The following ZFAT variants were observed in gnomAD, a reference collection of about 807,000 sequenced individuals.
The protein encoded by ZFAT is zinc finger protein ZFAT.
Under a neutral mutation model 117.7 loss-of-function variants are expected in ZFAT, and 64 were observed. The observed-to-expected ratio is 0.54, with a 90% confidence interval of 0.44 to 0.67. The LOEUF (loss-of-function observed/expected upper bound fraction) is 0.67, where lower values mean the gene tolerates loss of function less well. ZFAT is among the 30% of genes least tolerant of loss of function. ZFAT has a pLI of 0.00. For missense variants in ZFAT, 1,433 were observed against 1,584.5 expected (o/e 0.90, Z 1.62); for synonymous variants, 679 against 615.0 (o/e 1.10, Z -1.54).
intron 15 of ZFAT, among the ~76,000 whole-genome samples, chr8:134,496,978 C>T (rs1452722303): frequency 6.6e-6 from 1 of 152,248 alleles, no homozygotes; most frequent in Non-Finnish European, 1.5e-5. Context: ...TCCTGACATG[C>T]AGGGACCCCC....
Position 134,657,708 on chromosome 8 carries a change from A to C in ZFAT, c.49T>G (p.Cys17Gly). The change falls in exon 2 of 16, where the codon TGT (cysteine) becomes GGT (glycine). Residue 17 changes from cysteine to glycine, a missense_variant. Around this residue, in one of 5 missense-constraint regions of ZFAT, gnomAD observed 436 missense variants for 482.0 expected, o/e 0.90. Coordinates refer to ENST00000377838, the MANE Select transcript of ZFAT (RefSeq NM_020863.4). ...ENTAIFMCKCCNLFSPNQSEL... is the reference protein window; with the variant it reads ...ENTAIFMCKCGNLFSPNQSEL... ...GACTGATTTGGTGAGAAGAGGTTACAACATTTACACATAAAGATGGCCGTG... is the reference window on the plus strand; with the variant it reads ...GACTGATTTGGTGAGAAGAGGTTACCACATTTACACATAAAGATGGCCGTG... 6.2e-7 allele frequency: 1 copy of C among 1,613,340 alleles called. No individual in the cohort carries two copies. The highest frequency in any genetic ancestry group is 8.5e-7 in the Non-Finnish European group (1 of 1,179,840).
chr8:134,639,697 C>T (rs1830474271), intron 2 of ZFAT: 7 of 453,814 alleles, frequency 1.5e-5, no homozygotes, highest in South Asian at 6.2e-5. Flanking sequence ...TTCACAACAA[C>T]GTGTACTTGC....
the ZFAT span, among the ~76,000 whole-genome samples, chr8:134,788,104 T>A: frequency 6.6e-6 from 1 of 152,158 alleles, no homozygotes. Context: ...GTTATTATTG[T>A]TTTTAGACTT....
intron 1 of ZFAT, among the ~76,000 whole-genome samples, chr8:134,670,737 A>G (rs7013536): frequency 0.32 from 47,586 of 150,904 alleles, 5,102 homozygotes; most frequent in South Asian, 0.39. Context: ...GCAGAAGGCA[A>G]GAAATAACTA....
chr8:134,819,809 G>GGTTTCAGAA, the ZFAT span, among the ~76,000 whole-genome samples: 3 of 151,848 alleles, frequency 2.0e-5, no homozygotes, highest in African/African-American at 7.3e-5. Context: ...TTATTTCAAA[G>GGTTTCAGAA]GTTTCAAAAC....
At chr8:134,788,507 G>A in the ZFAT span, among the ~76,000 whole-genome samples, 14 of 152,094 alleles carry the variant, frequency 9.2e-5, no homozygotes, top group African/African-American at 3.4e-4. Context: ...GAGATTATTG[G>A]TTTGCTTTAT....
At chr8:134,614,579 G>A (rs1393270168) in intron 3 of ZFAT, among the ~76,000 whole-genome samples, 1 of 152,174 alleles carries the variant, frequency 6.6e-6, no homozygotes, top group Non-Finnish European at 1.5e-5. Context: ...CCTCTTGGAG[G>A]TTGGGTCCAT....
the ZFAT span, chr8:134,800,536 T>TAAAC: frequency 1.9e-6 from 1 of 513,654 alleles, no homozygotes; most frequent in Non-Finnish European, 4.1e-6. Context: ...TCAGCTGAAG[T>TAAAC]AAACATCCAC....
In ZFAT at chr8:134,650,507, C is replaced by A. The variant is rs555809641; in HGVS notation, c.196+7054G>T. On this transcript the variant is annotated intron_variant, in intron 2 of 15. Coordinates refer to ENST00000377838, the MANE Select transcript of ZFAT (RefSeq NM_020863.4). ...AGAATGGACTAATACAGATCTAATG[C>A]AATCTTTATCAAAAATCCAACTGTC... Among the ~76,000 whole-genome samples, 17 of 152,242 alleles carry A rather than the reference C, an allele frequency of 1.1e-4. 1 individual carries two copies. Among genetic ancestry groups the A allele is most frequent in the African/African-American group, 3.9e-4 (16 of 41,542 alleles).
At chr8:134,586,895 A>G (rs1049465334) in intron 9 of ZFAT, among the ~76,000 whole-genome samples, 1 of 152,118 alleles carries the variant, frequency 6.6e-6, no homozygotes, top group Non-Finnish European at 1.5e-5. Flanking sequence ...TCACCTCTCT[A>G]AGCCTCATTT....
the ZFAT span, among the ~76,000 whole-genome samples, chr8:134,822,695 A>T: frequency 2.0e-5 from 3 of 152,156 alleles, no homozygotes; most frequent in Non-Finnish European, 2.9e-5. Context: ...ACTTTATAAA[A>T]TAACTTGGAA....
intron 15 of ZFAT, among the ~76,000 whole-genome samples, chr8:134,503,014 G>T (rs1264821760): frequency 6.6e-6 from 1 of 152,228 alleles, no homozygotes; most frequent in African/African-American, 2.4e-5. Context: ...AGGCTCATAA[G>T]CCAGGGCAGC....
At chr8:134,534,775 A>AGGGAGAGAGAGAGAG (rs1821706312) in intron 11 of ZFAT, among the ~76,000 whole-genome samples, 3 of 136,344 alleles carry the variant, frequency 2.2e-5, no homozygotes, top group African/African-American at 8.5e-5. Context: ...GAGAGGGAGA[A>AGGGAGAGAGAGAGAG]AGAGAGAGAG....
chr8:134,818,966 G>A, the ZFAT span, among the ~76,000 whole-genome samples: 1 of 152,234 alleles, frequency 6.6e-6, no homozygotes, highest in Non-Finnish European at 1.5e-5. Flanking sequence ...GGGGGTATAT[G>A]TTTAGTGTCT....
intron 15 of ZFAT, among the ~76,000 whole-genome samples, chr8:134,480,772 T>C (rs1342391779): frequency 6.6e-6 from 1 of 152,182 alleles, no homozygotes; most frequent in Non-Finnish European, 1.5e-5. Flanking sequence ...CAAATTGGCA[T>C]TGGGTGGCCT....
chr8:134,585,621 G>A (rs1419421884), intron 9 of ZFAT, among the ~76,000 whole-genome samples: 5 of 152,192 alleles, frequency 3.3e-5, no homozygotes, highest in Admixed American at 1.3e-4. Flanking sequence ...GGCCGGCTGT[G>A]GAACCCTGGG....
chr8:134,781,752 C>G, the ZFAT span, among the ~76,000 whole-genome samples: 10 of 152,122 alleles, frequency 6.6e-5, no homozygotes, highest in Non-Finnish European at 1.0e-4. Flanking sequence ...ATCAACCCCC[C>G]TCTTCCTCCC....
chr8:134,600,047 T>C (rs992216303), intron 7 of ZFAT: 3 of 357,432 alleles, frequency 8.4e-6, no homozygotes, highest in Non-Finnish European at 1.6e-5. Flanking sequence ...CTCATCACTG[T>C]ACAGCATTAT....
chr8:134,743,101 G>A, the ZFAT span, among the ~76,000 whole-genome samples: 1 of 152,228 alleles, frequency 6.6e-6, no homozygotes, highest in Non-Finnish European at 1.5e-5. Flanking sequence ...ACTGAAACAC[G>A]TGGTGAAACC....
Sources: gnomAD v4.1 joint callset for allele counts (sites outside exome capture counted in the v4.1 genomes callset) on GRCh38, gnomAD v4.1.1 for gene constraint, gnomAD v4.1.1 regional missense constraint, MANE v1.5 for transcripts, NCBI Gene and HGNC (gene_info 2026-07-23, HGNC 2026-07-21) for gene names.